The following ZNF385D variants were observed in gnomAD, a reference collection of about 807,000 sequenced individuals.
ZNF385D encodes zinc finger protein 659.
Under a neutral mutation model 35.8 loss-of-function variants are expected in ZNF385D, and 15 were observed. The ratio of observed to expected loss-of-function variants is 0.42; its 90% CI spans 0.28 to 0.64. The LOEUF (loss-of-function observed/expected upper bound fraction) is 0.64. ZNF385D is among the 30% of genes least tolerant of loss of function. The pLI is 0.23. For missense variants in ZNF385D, 474 were observed against 494.6 expected (o/e 0.96, Z 0.39); for synonymous variants, 212 against 186.8 (o/e 1.13, Z -1.10).
At chr3:22,279,530 GTACATATATATGTATATACATA>G (rs1559495448) in intron 2 of ZNF385D, among the ~76,000 whole-genome samples, 1 of 140,444 alleles carries the variant, frequency 7.1e-6, no homozygotes, top group African/African-American at 2.7e-5. Flanking sequence ...ATATACATAT[GTACATATATATGTATATACATA>G]TACATATGTA....
chr3:22,118,861 A>G (rs1266617498), intron 3 of ZNF385D, among the ~76,000 whole-genome samples: 2 of 152,214 alleles, frequency 1.3e-5, no homozygotes, highest in East Asian at 1.9e-4. Flanking sequence ...AGCATTTCAC[A>G]TGTACTTTCC....
At chr3:21,858,079 T>C (rs950124951) in intron 3 of ZNF385D, among the ~76,000 whole-genome samples, 4 of 151,220 alleles carry the variant, frequency 2.6e-5, no homozygotes, top group African/African-American at 9.7e-5. Context: ...GGAGAATCAC[T>C]TGAACCCAGG....
At chr3:21,524,454 G>A (rs1187500436) in intron 3 of ZNF385D, among the ~76,000 whole-genome samples, 1 of 152,128 alleles carries the variant, frequency 6.6e-6, no homozygotes, top group African/African-American at 2.4e-5. Flanking sequence ...TCATCACTTA[G>A]CTTTAAAAAA....
chr3:22,314,310 A>G (rs1458989268), intron 2 of ZNF385D, among the ~76,000 whole-genome samples: 2 of 151,978 alleles, frequency 1.3e-5, no homozygotes, highest in Admixed American at 6.6e-5. Flanking sequence ...AGTCTATCGT[A>G]TCATTCTTAT....
At chr3:22,190,683 T>C (rs1007092511) in intron 2 of ZNF385D, among the ~76,000 whole-genome samples, 2 of 152,184 alleles carry the variant, frequency 1.3e-5, no homozygotes, top group African/African-American at 4.8e-5. Flanking sequence ...CTGTCCCCTA[T>C]GAATAACCTT....
In ZNF385D at chr3:21,737,527, A is replaced by G. The variant is rs997136048; in HGVS notation, c.22+13368T>C. Among the ~76,000 whole-genome samples the G allele has an allele frequency of 5.3e-5, 8 of 152,104 alleles. 1 individual carries two copies. ...AGATAGATACGTATGTATACGAAAT[A>G]TATACACACACTCCCTTCCATAGAA... On this transcript the variant is annotated intron_variant, in intron 1 of 7. Transcript: ENST00000281523.
intron 2 of ZNF385D, among the ~76,000 whole-genome samples, chr3:22,173,577 C>G (rs554302472): frequency 2.0e-5 from 3 of 152,172 alleles, no homozygotes; most frequent in Non-Finnish European, 2.9e-5. Context: ...TGGGAAAGAA[C>G]TGAGAAAGAA....
At chr3:22,077,630 A>C (rs1035697443) in intron 3 of ZNF385D, among the ~76,000 whole-genome samples, 1 of 151,958 alleles carries the variant, frequency 6.6e-6, no homozygotes, top group Non-Finnish European at 1.5e-5. Flanking sequence ...TAAATATTTG[A>C]TGTTTTTGGC....
intron 1 of ZNF385D, among the ~76,000 whole-genome samples, chr3:21,683,130 C>G (rs1165336300): frequency 1.3e-5 from 2 of 149,504 alleles, no homozygotes; most frequent in East Asian, 4.1e-4. Context: ...GTACATGATC[C>G]ACAAATTGAA....
chr3:21,909,777 C>G (rs1206481665), intron 3 of ZNF385D, among the ~76,000 whole-genome samples: 1 of 151,920 alleles, frequency 6.6e-6, no homozygotes, highest in Non-Finnish European at 1.5e-5. Flanking sequence ...TTAAATTTAA[C>G]GAGTTTCCGT....
At chr3:22,121,199 ACACT>A (rs1197983013) in intron 3 of ZNF385D, among the ~76,000 whole-genome samples, 1 of 152,140 alleles carries the variant, frequency 6.6e-6, no homozygotes, top group Non-Finnish European at 1.5e-5. Flanking sequence ...TTACTTCTAA[ACACT>A]CACTGTCTTA....
intron 3 of ZNF385D, among the ~76,000 whole-genome samples, chr3:22,025,377 G>C (rs531988754): frequency 3.3e-5 from 5 of 152,114 alleles, no homozygotes; most frequent in Non-Finnish European, 7.4e-5. Flanking sequence ...AGGGTCCCTA[G>C]AGGTGACGTT....
At chr3:22,200,364 G>C (rs1696703420) in intron 2 of ZNF385D, among the ~76,000 whole-genome samples, 1 of 152,046 alleles carries the variant, frequency 6.6e-6, no homozygotes, top group South Asian at 2.1e-4. Context: ...CATGTCGGTA[G>C]GTTCCATGAT....
chr3:22,311,425 T>C (rs1382618765), intron 2 of ZNF385D, among the ~76,000 whole-genome samples: 6 of 152,044 alleles, frequency 3.9e-5, no homozygotes, highest in African/African-American at 7.2e-5. Context: ...AAATGTGGTT[T>C]CATAGTGTGT....
rs1431122507 is a variant in ZNF385D at position 21,515,184 on chromosome 3, T to G, written c.277-4161A>C. ...AGAGGGGTTTTGTCATTTTGAAACA[T>G]GCTCATGCACATTTATCTTATTTGG... On this transcript the variant is annotated intron_variant, in intron 3 of 7. Transcript: ENST00000281523. Among the ~76,000 whole-genome samples, 5 of 152,200 alleles carry G rather than the reference T, an allele frequency of 3.3e-5. No individual in the cohort carries two copies. In the East Asian group the frequency reaches 9.6e-4, roughly 29 times the overall value.
chr3:22,279,129 G>C (rs1217160333), intron 2 of ZNF385D, among the ~76,000 whole-genome samples: 1 of 151,912 alleles, frequency 6.6e-6, no homozygotes, highest in Non-Finnish European at 1.5e-5. Flanking sequence ...ATTTCAATAG[G>C]TTTTGGGGGA....
chr3:22,166,259 G>A (rs1706321827), intron 3 of ZNF385D, among the ~76,000 whole-genome samples: 1 of 135,008 alleles, frequency 7.4e-6, no homozygotes, highest in South Asian at 2.4e-4. Flanking sequence ...AAACGTCTTG[G>A]GGAAAAAATC....
intron 2 of ZNF385D, among the ~76,000 whole-genome samples, chr3:22,335,849 T>C (rs1432988668): frequency 6.6e-6 from 1 of 152,150 alleles, no homozygotes; most frequent in Non-Finnish European, 1.5e-5. Context: ...GTAGTCTATA[T>C]GTGATAGCCT....
At chr3:21,681,698 G>GAAAAAAAAAAA (rs5847124) in intron 1 of ZNF385D, among the ~76,000 whole-genome samples, 1 of 133,226 alleles carries the variant, frequency 7.5e-6, no homozygotes, top group African/African-American at 2.8e-5. Context: ...AAAAAAAAAC[G>GAAAAAAAAAAA]AAAAAAAAAA....
Sources: gnomAD v4.1 joint callset for allele counts (sites outside exome capture counted in the v4.1 genomes callset) on GRCh38, gnomAD v4.1.1 for gene constraint, MANE v1.5 for transcripts, NCBI Gene and HGNC (gene_info 2026-07-23, HGNC 2026-07-21) for gene names.